The following CYP4X1 variants were observed in gnomAD, a reference collection of about 807,000 sequenced individuals.
CYP4X1 encodes the protein cytochrome P450 family 4 subfamily X member 1.
In CYP4X1, 44 loss-of-function variants were observed where a neutral mutation model predicts 57.9. The ratio of observed to expected loss-of-function variants is 0.76; its 90% CI spans 0.60 to 0.98. The LOEUF (loss-of-function observed/expected upper bound fraction) is 0.98. Ranked by LOEUF, CYP4X1 falls within the 50% of genes least tolerant of loss-of-function variation. The pLI, the probability that CYP4X1 is intolerant of heterozygous loss-of-function variation, is 0.00. For synonymous variants in CYP4X1, 227 were observed against 228.6 expected, an observed-to-expected ratio of 0.99 and a Z score of 0.06; for missense variants, 532 against 623.9, an observed-to-expected ratio of 0.85 and a Z score of 1.57.
the CYP4X1 span, among the ~76,000 whole-genome samples, chr1:46,973,112 A>G: frequency 0.043 from 6,567 of 151,940 alleles, 481 homozygotes; most frequent in African/African-American, 0.14. Context: ...TACCTTTGAT[A>G]TCTAGTCTGT....
chr1:47,009,842 C>T, the CYP4X1 span, among the ~76,000 whole-genome samples: 1 of 152,140 alleles, frequency 6.6e-6, no homozygotes, highest in African/African-American at 2.4e-5. Context: ...ACACATACAC[C>T]TTCCCAAGAA....
chr1:46,988,998 A>T, the CYP4X1 span, among the ~76,000 whole-genome samples: 1 of 152,188 alleles, frequency 6.6e-6, no homozygotes, highest in Non-Finnish European at 1.5e-5. Context: ...CAAGACAAGG[A>T]TGCCCTCTCT....
chr1:47,003,394 G>A, the CYP4X1 span, among the ~76,000 whole-genome samples: 3 of 152,098 alleles, frequency 2.0e-5, no homozygotes, highest in Admixed American at 1.3e-4. Flanking sequence ...AGGAGCTACC[G>A]GTGTCAGAAA....
Position 47,031,485 on chromosome 1 carries a change from G to T in CYP4X1, c.364+5G>T. ...AATTCTCACCTCCACTTCTTGGTAT[G>T]TATGTGCAAATGAGAGGTATAACCC... On this transcript the variant is annotated splice_donor_5th_base_variant and intron_variant, in intron 3 of 11. Coordinates refer to ENST00000371901, the MANE Select transcript of CYP4X1 (RefSeq NM_178033.2). 1 of 1,614,042 alleles carries T rather than the reference G, an allele frequency of 6.2e-7. No individual in the cohort carries two copies. Among genetic ancestry groups the T allele is most frequent in the South Asian group, 1.1e-5 (1 of 91,062 alleles).
the CYP4X1 span, among the ~76,000 whole-genome samples, chr1:46,993,848 A>G: frequency 1.3e-5 from 2 of 152,098 alleles, no homozygotes; most frequent in Non-Finnish European, 2.9e-5. Context: ...TCAGATGAGT[A>G]GATTGCAAAA....
At chr1:46,989,366 G>A in the CYP4X1 span, among the ~76,000 whole-genome samples, 7 of 151,970 alleles carry the variant, frequency 4.6e-5, no homozygotes, top group Non-Finnish European at 1.0e-4. Context: ...CCTCTTCAAG[G>A]AGAACTACAA....
chr1:47,001,288 C>A, the CYP4X1 span, among the ~76,000 whole-genome samples: 1 of 152,234 alleles, frequency 6.6e-6, no homozygotes, highest in Admixed American at 6.5e-5. Context: ...CAGGCCTGAA[C>A]CACTCTGTCA....
upstream of CYP4X1, among the ~76,000 whole-genome samples, chr1:47,020,484 TG>T (rs1643984346): frequency 6.6e-6 from 1 of 152,264 alleles, no homozygotes; most frequent in Admixed American, 6.5e-5. Context: ...CTGGCTCCTT[TG>T]TCTGGCAAGG....
chr1:47,048,578 T>C lies in CYP4X1; in HGVS notation c.1221T>C (p.Val407=). The C allele has an allele frequency of 6.2e-7, 1 of 1,614,180 alleles. No homozygotes were observed. The highest frequency in any genetic ancestry group is 1.3e-5 in the African/African-American group (1 of 75,052). ...GCTLPAGITV[V]LSIWGLHHNP... ...CTCCTTTCTTAGGGATCACCGTGGTTCTTAGTATTTGGGGTCTTCACCACA... is the reference window on the plus strand; with the variant it reads ...CTCCTTTCTTAGGGATCACCGTGGTCCTTAGTATTTGGGGTCTTCACCACA... The change falls in exon 10 of 12, where the codon GTT becomes GTC. Residue 407 remains valine, a synonymous_variant. Transcript: ENST00000371901.
intron 7 of CYP4X1, 110 bp downstream of exon 7, chr1:47,038,876 T>G: frequency 1.3e-6 from 1 of 760,882 alleles, no homozygotes; most frequent in East Asian, 2.9e-5. Context: ...TGACTAAATT[T>G]AACTGTACTT....
chr1:47,007,423 CT>C, the CYP4X1 span, among the ~76,000 whole-genome samples: 2 of 152,178 alleles, frequency 1.3e-5, no homozygotes, highest in African/African-American at 4.8e-5. Context: ...AAAACCCCAT[CT>C]GTACGTCACC....
chr1:47,053,976 G>A (rs2148519302), downstream of CYP4X1, among the ~76,000 whole-genome samples: 1 of 152,032 alleles, frequency 6.6e-6, no homozygotes. Flanking sequence ...TGGTTTTTTA[G>A]ACATGAAGTC....
the CYP4X1 span, among the ~76,000 whole-genome samples, chr1:46,995,500 T>C: frequency 7.2e-5 from 11 of 151,860 alleles, no homozygotes; most frequent in Admixed American, 4.6e-4. Flanking sequence ...GGATGGGACA[T>C]TTTATCTTCA....
downstream of CYP4X1, among the ~76,000 whole-genome samples, chr1:47,053,940 A>G (rs1644375439): frequency 6.6e-6 from 1 of 152,024 alleles, no homozygotes; most frequent in African/African-American, 2.4e-5. Flanking sequence ...CCATTTGTCA[A>G]TTTTGGCTTT....
the CYP4X1 span, among the ~76,000 whole-genome samples, chr1:47,008,940 A>G: frequency 6.6e-6 from 1 of 152,214 alleles, no homozygotes; most frequent in Non-Finnish European, 1.5e-5. Flanking sequence ...AGAGACCTAC[A>G]AAGAGACTTA....
intron 1 of CYP4X1, 21 bp downstream of exon 1, chr1:47,024,015 A>C: frequency 6.3e-7 from 1 of 1,594,550 alleles, no homozygotes; most frequent in Non-Finnish European, 8.5e-7. Flanking sequence ...GGGAGGAGGG[A>C]GGAAGGAGGA....
rs771637038 is a variant in CYP4X1, at chr1:47,036,130, A to T, written c.734A>T (p.Tyr245Phe). The change falls in exon 6 of 12, where the codon TAC becomes TTC. Residue 245 changes from tyrosine (Y) to phenylalanine (F), a missense_variant. Transcript: ENST00000371901. The stretch of plus-strand genomic sequence containing the variant: ...ATTTTCAAACTCAGCCCTCAGGGCT[A>T]CCGCTTCCAGAAGTTAAGCCGAGTG... ...DIIFKLSPQG[Y>F]RFQKLSRVLN... 6 of 1,613,510 alleles carry T rather than the reference A, an allele frequency of 3.7e-6. No homozygotes were observed. The highest frequency in any genetic ancestry group is 5.1e-6 in the Non-Finnish European group (6 of 1,179,744).
chr1:46,970,280 C>T, the CYP4X1 span, among the ~76,000 whole-genome samples: 1 of 152,164 alleles, frequency 6.6e-6, no homozygotes, highest in African/African-American at 2.4e-5. Context: ...TTGGAAGACC[C>T]ACTGACAGTA....
chr1:46,974,558 T>C, the CYP4X1 span, among the ~76,000 whole-genome samples: 1 of 152,286 alleles, frequency 6.6e-6, no homozygotes, highest in South Asian at 2.1e-4. Context: ...TGTGTGTTTA[T>C]TTAAGTCTCT....
Sources: allele counts gnomAD v4.1 joint callset (sites outside exome capture counted in the v4.1 genomes callset), GRCh38; gene constraint gnomAD v4.1.1; transcripts MANE v1.5; gene names NCBI Gene and HGNC (gene_info 2026-07-23, HGNC 2026-07-21).